The following CCDC141 variants were observed in gnomAD, a reference collection of about 807,000 sequenced individuals.
The protein encoded by CCDC141 is coiled-coil domain-containing protein 141.
CCDC141 carries 168 observed loss-of-function variants against 181.0 expected under a neutral mutation model. The observed-to-expected ratio is 0.93, with a 90% CI of 0.82 to 1.05. CCDC141 has a LOEUF of 1.05. Ranked by LOEUF, CCDC141 falls within the 50% of genes least tolerant of loss-of-function variation. The pLI is 0.00. For missense variants in CCDC141, 1,902 were observed against 1,788.5 expected (o/e 1.06, Z -1.14); for synonymous variants, 666 against 642.3 (o/e 1.04, Z -0.56).
chr2:179,048,858 T>A (rs2043586742), intron 1 of CCDC141, among the ~76,000 whole-genome samples: 1 of 152,232 alleles, frequency 6.6e-6, no homozygotes, highest in Admixed American at 6.5e-5. Context: ...TTTCCTGGTA[T>A]GAATTTTCAC....
chr2:178,937,762 G>A (rs79027819), intron 6 of CCDC141, among the ~76,000 whole-genome samples: 1 of 152,022 alleles, frequency 6.6e-6, no homozygotes, highest in African/African-American at 2.4e-5. Context: ...GCTCGTTATT[G>A]GTCTGTTCTG....
intron 16 of CCDC141, among the ~76,000 whole-genome samples, chr2:178,866,386 C>T (rs150125262): frequency 7.2e-5 from 11 of 152,296 alleles, no homozygotes; most frequent in African/African-American, 2.4e-4. Context: ...CAAAGTGAGA[C>T]TTCTTGCTTT....
intron 10 of CCDC141, among the ~76,000 whole-genome samples, chr2:178,885,629 G>A (rs1686848175): frequency 6.6e-6 from 1 of 152,120 alleles, no homozygotes; most frequent in South Asian, 2.1e-4. Context: ...CAGTGACTTT[G>A]ACTTGCTCAG....
At chr2:179,023,518 T>A (rs16866607) in intron 2 of CCDC141, among the ~76,000 whole-genome samples, 6,543 of 152,290 alleles carry the variant, frequency 0.043, 390 homozygotes, top group East Asian at 0.16. Context: ...TGTTTGAAAT[T>A]AAATATTAAA....
At chr2:178,902,305 C>T (rs1687736959) in intron 8 of CCDC141, among the ~76,000 whole-genome samples, 1 of 152,160 alleles carries the variant, frequency 6.6e-6, no homozygotes, top group Non-Finnish European at 1.5e-5. Flanking sequence ...CAAGTCAATC[C>T]TAAGCCAAAA....
intron 14 of CCDC141, among the ~76,000 whole-genome samples, chr2:178,870,250 A>C (rs2154369046): frequency 6.6e-6 from 1 of 151,578 alleles, no homozygotes; most frequent in South Asian, 2.1e-4. Flanking sequence ...AAAAAAAAAA[A>C]AAAAGACAGT....
At chr2:179,004,920 TG>T (rs1399179638) in intron 2 of CCDC141, among the ~76,000 whole-genome samples, 1 of 152,046 alleles carries the variant, frequency 6.6e-6, no homozygotes, top group Non-Finnish European at 1.5e-5. Context: ...TTTGGGGAGA[TG>T]GGGTTTTGCC....
chr2:178,985,831 T>A (rs969324971), intron 2 of CCDC141, among the ~76,000 whole-genome samples: 4 of 152,128 alleles, frequency 2.6e-5, no homozygotes, highest in Non-Finnish European at 2.9e-5. Context: ...ATCAATAGTG[T>A]ACCAACCAAA....
chr2:178,979,126 T>C (rs1333743917), intron 2 of CCDC141, among the ~76,000 whole-genome samples: 2 of 152,128 alleles, frequency 1.3e-5, no homozygotes, highest in African/African-American at 4.8e-5. Context: ...AATGTAAATA[T>C]TAAGAGTAGA....
In CCDC141 at chr2:178,835,208, C is replaced by T. The variant is rs1416209389; in HGVS notation, c.4326-768G>A. ...CCCCATCATATTCATACCACAGTAT[C>T]CACAGGACAATACAGATGTGCTGTT... On this transcript the variant is annotated intron_variant, in intron 23 of 23. Coordinates refer to ENST00000443758, the MANE Select transcript of CCDC141 (RefSeq NM_173648.4). Among the ~76,000 whole-genome samples, 6 of 152,268 alleles carry T rather than the reference C, an allele frequency of 3.9e-5. No homozygotes were observed. The South Asian group carries it at 6.2e-4, about 16-fold the overall frequency.
At chr2:178,921,742 G>T (rs1688698833) in intron 6 of CCDC141, among the ~76,000 whole-genome samples, 1 of 152,164 alleles carries the variant, frequency 6.6e-6, no homozygotes. Flanking sequence ...ACGTTCTATA[G>T]CTAAGAGCAG....
intron 6 of CCDC141, among the ~76,000 whole-genome samples, chr2:178,927,953 A>C (rs970269369): frequency 3.9e-5 from 6 of 152,230 alleles, no homozygotes; most frequent in Non-Finnish European, 4.4e-5. Context: ...GAGAATTTTA[A>C]AAGAGCACGA....
At chr2:178,951,767 T>TAAGA (rs999652295) in intron 5 of CCDC141, among the ~76,000 whole-genome samples, 1 of 152,132 alleles carries the variant, frequency 6.6e-6, no homozygotes, top group Admixed American at 6.5e-5. Flanking sequence ...CCCCAGGGCT[T>TAAGA]AGCAGATAGC....
intron 7 of CCDC141, among the ~76,000 whole-genome samples, chr2:178,912,409 T>C (rs1326799280): frequency 1.3e-5 from 2 of 152,258 alleles, no homozygotes; most frequent in Non-Finnish European, 2.9e-5. Flanking sequence ...AACTGAGTTG[T>C]GAGCTCTCAT....
chr2:178,895,078 T>G (rs1687342577), intron 8 of CCDC141, among the ~76,000 whole-genome samples: 1 of 152,168 alleles, frequency 6.6e-6, no homozygotes, highest in South Asian at 2.1e-4. Context: ...GTCCCACTTG[T>G]ACCTGCTTAC....
intron 2 of CCDC141, among the ~76,000 whole-genome samples, chr2:179,038,870 C>T (rs1245898140): frequency 2.6e-5 from 4 of 152,174 alleles, no homozygotes; most frequent in Admixed American, 6.5e-5. Context: ...TTTCTTGACT[C>T]TTACAGTCAT....
At chr2:178,883,854 A>G (rs1686742661) in intron 11 of CCDC141, among the ~76,000 whole-genome samples, 1 of 152,144 alleles carries the variant, frequency 6.6e-6, no homozygotes, top group African/African-American at 2.4e-5. Context: ...TACTAGAGGG[A>G]ATATTAGAGG....
At chr2:178,969,838 T>G (rs1436278193) in intron 4 of CCDC141, among the ~76,000 whole-genome samples, 1 of 152,200 alleles carries the variant, frequency 6.6e-6, no homozygotes, top group Non-Finnish European at 1.5e-5. Flanking sequence ...TCAAATTGTC[T>G]CTGTTTGCAG....
intron 8 of CCDC141, among the ~76,000 whole-genome samples, chr2:178,895,596 C>T (rs1027463275): frequency 7.9e-5 from 12 of 152,090 alleles, no homozygotes; most frequent in African/African-American, 7.2e-5. Context: ...AAATCCTTAA[C>T]GGTGTTAACA....
Sources: gnomAD v4.1 joint callset for allele counts (sites outside exome capture counted in the v4.1 genomes callset) on GRCh38, gnomAD v4.1.1 for gene constraint, MANE v1.5 for transcripts, NCBI Gene and HGNC (gene_info 2026-07-23, HGNC 2026-07-21) for gene names.